IFT56: variants seen among roughly 807,000 people sequenced by gnomAD.
The protein encoded by IFT56 is intraflagellar transport 56.
chr7:139,178,830 G>A, the IFT56 span, among the ~76,000 whole-genome samples: 1 of 151,944 alleles, frequency 6.6e-6, no homozygotes. Flanking sequence ...AAGCTGCAGT[G>A]CACTATGATC....
the IFT56 span, among the ~76,000 whole-genome samples, chr7:139,134,985 A>G: frequency 7.9e-5 from 12 of 152,296 alleles, no homozygotes; most frequent in East Asian, 2.3e-3. Context: ...AAAACGAACT[A>G]AAAAACTAAA....
At chr7:139,179,704 T>A in the IFT56 span, 5 of 1,374,534 alleles carry the variant, frequency 3.6e-6, no homozygotes, top group Admixed American at 5.5e-5. Flanking sequence ...GGTTGCATAA[T>A]CTGTTCGGAA....
chr7:139,175,836 G>C, the IFT56 span, among the ~76,000 whole-genome samples: 3 of 151,812 alleles, frequency 2.0e-5, no homozygotes, highest in Admixed American at 6.6e-5. Context: ...TTGTTTGTTT[G>C]TTTTGTTTTT....
At chr7:139,162,724 G>C in the IFT56 span, among the ~76,000 whole-genome samples, 1 of 152,094 alleles carries the variant, frequency 6.6e-6, no homozygotes, top group Non-Finnish European at 1.5e-5. Flanking sequence ...ACTTTGGGAG[G>C]CCAAGGCGGG....
chr7:139,168,580 A>T, the IFT56 span: 4 of 586,038 alleles, frequency 6.8e-6, no homozygotes, highest in Non-Finnish European at 1.2e-5. Flanking sequence ...AAAAAAAAAA[A>T]ACAAAAAAAA....
chr7:139,177,977 C>T, the IFT56 span, among the ~76,000 whole-genome samples: 11 of 151,988 alleles, frequency 7.2e-5, no homozygotes, highest in African/African-American at 2.4e-4. Flanking sequence ...ACCTGCAGGG[C>T]GTGTGTTCAT....
chr7:139,185,559 A>G, the IFT56 span, among the ~76,000 whole-genome samples: 2 of 152,130 alleles, frequency 1.3e-5, no homozygotes, highest in South Asian at 2.1e-4. Context: ...ATTCGTTCAT[A>G]TAAAGTTCTG....
chr7:139,162,852 G>A, the IFT56 span, among the ~76,000 whole-genome samples: 5 of 151,964 alleles, frequency 3.3e-5, no homozygotes, highest in East Asian at 5.8e-4. Context: ...CCAGCTACTC[G>A]GGAGGCCAGG....
chr7:139,179,588 C>T, the IFT56 span: 3 of 1,613,952 alleles, frequency 1.9e-6, no homozygotes, highest in Non-Finnish European at 2.5e-6. Flanking sequence ...TCCTCTTGAT[C>T]CAAAGTGAGA....
At chr7:139,151,706 G>A in the IFT56 span, among the ~76,000 whole-genome samples, 1 of 152,178 alleles carries the variant, frequency 6.6e-6, no homozygotes, top group Non-Finnish European at 1.5e-5. Context: ...AGATTTTGTA[G>A]GCTGAAAAAT....
the IFT56 span, among the ~76,000 whole-genome samples, chr7:139,177,078 A>G: frequency 6.6e-6 from 1 of 151,734 alleles, no homozygotes; most frequent in Admixed American, 6.6e-5. Flanking sequence ...AGGCTGAGGT[A>G]GGAGAATCAC....
At chr7:139,174,984 A>G in the IFT56 span, among the ~76,000 whole-genome samples, 37,415 of 151,642 alleles carry the variant, frequency 0.25, 8,354 homozygotes, top group African/African-American at 0.57. Flanking sequence ...TCACACCATC[A>G]CACTACAGTC....
chr7:139,136,357 G>A, the IFT56 span, among the ~76,000 whole-genome samples: 8 of 152,290 alleles, frequency 5.3e-5, no homozygotes, highest in Admixed American at 1.3e-4. Flanking sequence ...TGGACTGAGT[G>A]CTATGTATAT....
At chr7:139,170,672 C>T in the IFT56 span, among the ~76,000 whole-genome samples, 7 of 152,190 alleles carry the variant, frequency 4.6e-5, no homozygotes, top group South Asian at 1.5e-3. Flanking sequence ...TAAAAATCCC[C>T]CCAAAAACTG....
chr7:139,184,219 T>C, the IFT56 span, among the ~76,000 whole-genome samples: 1 of 152,220 alleles, frequency 6.6e-6, no homozygotes, highest in Non-Finnish European at 1.5e-5. Context: ...ATCTGCTTAA[T>C]AGGGCCGTTC....
At chr7:139,172,254 C>T in the IFT56 span, among the ~76,000 whole-genome samples, 1 of 152,164 alleles carries the variant, frequency 6.6e-6, no homozygotes, top group Non-Finnish European at 1.5e-5. Flanking sequence ...TCACTGTGGA[C>T]CCAGTTGCTT....
chr7:139,146,135 G>C, the IFT56 span, among the ~76,000 whole-genome samples: 2 of 152,090 alleles, frequency 1.3e-5, no homozygotes, highest in Non-Finnish European at 2.9e-5. Flanking sequence ...TAACTAGATA[G>C]TCTACAGAAG....
At chr7:139,185,104 G>A in the IFT56 span, among the ~76,000 whole-genome samples, 3 of 151,604 alleles carry the variant, frequency 2.0e-5, no homozygotes, top group Non-Finnish European at 4.4e-5. Context: ...AAGAGGCTGA[G>A]GCAGGAGAAT....
the IFT56 span, chr7:139,139,908 A>G: frequency 1.2e-6 from 2 of 1,611,910 alleles, no homozygotes; most frequent in Non-Finnish European, 1.7e-6. Flanking sequence ...AAATGCTACA[A>G]AAGAGGAAAA....
Sources: gnomAD v4.1 joint callset for allele counts (sites outside exome capture counted in the v4.1 genomes callset) on GRCh38, gnomAD v4.1.1 for gene constraint, MANE v1.5 for transcripts, NCBI Gene and HGNC (gene_info 2026-07-23, HGNC 2026-07-21) for gene names.